STAG3: variants seen among roughly 807,000 people sequenced by gnomAD.
STAG3 encodes the protein cohesin subunit SA-3.
In STAG3, 101 loss-of-function variants were observed where a neutral mutation model predicts 160.7. That is an observed-to-expected ratio of 0.63 (90% CI 0.54 to 0.74). The LOEUF is 0.74. Ranked by LOEUF, STAG3 falls within the 30% of genes least tolerant of loss-of-function variation. The probability of loss-of-function intolerance (pLI) is 0.00; values close to 1 mark genes in which losing one functional copy is unlikely to be tolerated. For missense variants in STAG3, 1,188 were observed against 1,517.4 expected, an observed-to-expected ratio of 0.78 and a Z score of 3.61; for synonymous variants, 519 against 585.0, an observed-to-expected ratio of 0.89 and a Z score of 1.63.
At chr7:100,182,272 T>A (rs534244395) in intron 3 of STAG3, 80 bp downstream of exon 3, 2 of 1,030,426 alleles carry the variant, frequency 1.9e-6, no homozygotes, top group East Asian at 2.6e-5. Context: ...GGCAGGAGAA[T>A]GGCGTGAACC....
chr7:100,201,918 A>C, intron 22 of STAG3, 31 bp from the exon 23 acceptor site: 2 of 1,614,058 alleles, frequency 1.2e-6, no homozygotes, highest in Non-Finnish European at 1.7e-6. Flanking sequence ...CTGTGTCTTC[A>C]TTCTTCCCCT....
At chr7:100,205,495 T>G in intron 29 of STAG3, 111 bp downstream of exon 29, 6 of 1,177,700 alleles carry the variant, frequency 5.1e-6, no homozygotes, top group Non-Finnish European at 7.0e-6. Context: ...AGGGTATTAA[T>G]TTCTTTCAAG....
At chr7:100,195,056 G>A (rs1188851627) in intron 8 of STAG3, among the ~76,000 whole-genome samples, 2 of 152,178 alleles carry the variant, frequency 1.3e-5, no homozygotes, top group African/African-American at 2.4e-5. Flanking sequence ...ATGCCAGCTA[G>A]GGCTTCTGAA....
Position 100,211,077 on chromosome 7 carries a change from T to TACCCCC in STAG3, c.3305_3306insACCCCC (p.Pro1103_Pro1104dup). ...GAAGAAAGTCTGCAGCTGAACAGCATCCCGCCCACGCCCACCCTCACCTCC... is the reference window on the plus strand; with the variant it reads ...GAAGAAAGTCTGCAGCTGAACAGCATACCCCCCCCGCCCACGCCCACCCTCACCTCC... On this transcript the variant is annotated inframe_insertion, in exon 30 of 34. Transcript: ENST00000615138. 11 of 1,600,668 alleles carry TACCCCC rather than the reference T, an allele frequency of 6.9e-6. No individual in the cohort carries two copies. Among genetic ancestry groups the TACCCCC allele is most frequent in the East Asian group, 2.2e-5 (1 of 44,538 alleles).
chr7:100,187,505 G>A (rs1800095396), intron 5 of STAG3, among the ~76,000 whole-genome samples: 1 of 151,910 alleles, frequency 6.6e-6, no homozygotes, highest in Non-Finnish European at 1.5e-5. Flanking sequence ...TGAAGCCTTT[G>A]TACAGGCCTG....
intron 8 of STAG3, among the ~76,000 whole-genome samples, chr7:100,189,962 A>G (rs1218959799): frequency 1.3e-5 from 2 of 152,140 alleles, no homozygotes; most frequent in Non-Finnish European, 2.9e-5. Context: ...CTAAAAGCCA[A>G]CCATTGACAA....
At chr7:100,180,870 A>G in intron 2 of STAG3, 198 bp downstream of exon 2, 1 of 399,004 alleles carries the variant, frequency 2.5e-6, no homozygotes, top group Non-Finnish European at 4.6e-6. Flanking sequence ...TCAAAATAGT[A>G]GTACATCCTG....
chr7:100,193,940 T>C (rs1800504268), intron 8 of STAG3, among the ~76,000 whole-genome samples: 1 of 79,018 alleles, frequency 1.3e-5, no homozygotes. Flanking sequence ...TAATCATTTC[T>C]TTTTTTTTTT....
At chr7:100,215,707 TGA>T (rs1041406627), downstream of STAG3, among the ~76,000 whole-genome samples, 2 of 152,166 alleles carry the variant, frequency 1.3e-5, no homozygotes, top group Non-Finnish European at 2.9e-5. Flanking sequence ...TGCACTGGGT[TGA>T]GTCACAGCCT....
rs566681682 is a variant in STAG3, at chr7:100,192,421, G to T, written c.867+2825G>T. Among the ~76,000 whole-genome samples the T allele has an allele frequency of 3.3e-5, 5 of 152,336 alleles. No individual in the cohort carries two copies. In the East Asian group the frequency reaches 9.6e-4, roughly 29 times the overall value. On this transcript the variant is annotated intron_variant, in intron 8 of 33. Transcript: ENST00000615138. The stretch of plus-strand genomic sequence containing the variant: ...TGCTTGTAATCCCAGCTACTTGGGA[G>T]GCTGAAGCAGGAGAATTGCTTGAAC...
At chr7:100,186,968 C>T (rs1419423663) in intron 5 of STAG3, among the ~76,000 whole-genome samples, 1 of 152,110 alleles carries the variant, frequency 6.6e-6, no homozygotes, top group Non-Finnish European at 1.5e-5. Context: ...CAGATGGTCT[C>T]AGTCAGGTTG....
At chr7:100,216,986 G>A (rs1002544289), downstream of STAG3, among the ~76,000 whole-genome samples, 2 of 152,038 alleles carry the variant, frequency 1.3e-5, no homozygotes, top group East Asian at 3.9e-4. Flanking sequence ...CTCTCATGAG[G>A]ACAGGCATTG....
chr7:100,197,082 A>T (rs1800736066), intron 9 of STAG3, 74 bp from the exon 10 acceptor site: 2 of 1,570,168 alleles, frequency 1.3e-6, no homozygotes, highest in Non-Finnish European at 1.7e-6. Context: ...CATGAGAGGG[A>T]GTTATCTGGT....
At position 100,186,185 on chromosome 7, in the gene STAG3, A is replaced by AT. The variant is rs376171463; in HGVS notation, c.337-7dup. 32 of 1,604,990 alleles carry AT rather than the reference A, an allele frequency of 2.0e-5. No individual in the cohort carries two copies. The highest frequency in any genetic ancestry group is 4.4e-5 in the South Asian group (4 of 90,814). The stretch of plus-strand genomic sequence containing the variant: ...ATTGCCAGAAACAGAAGTCATCTAC[A>AT]TTTTTTTTCCCTAGTCTTTGGTAGA... On this transcript the variant is annotated splice_polypyrimidine_tract_variant and intron_variant, in intron 4 of 33. Transcript: ENST00000615138.
chr7:100,211,474 G>T lies in STAG3; in HGVS notation c.3453G>T (p.Leu1151Phe). 6.2e-7 allele frequency: 1 copy of T among 1,613,660 alleles called. No homozygotes were observed. The highest frequency in any genetic ancestry group is 8.5e-7 in the Non-Finnish European group (1 of 1,179,956). The change falls in exon 31 of 34, where the codon TTG (leucine) becomes TTT (phenylalanine). Residue 1151 changes from leucine to phenylalanine, a missense_variant. Coordinates refer to ENST00000615138, the MANE Select transcript of STAG3 (RefSeq NM_001282717.2). ...PVAGTERSRF[L>F]GPQYFQTPHN... ...CAGGCACCGAGAGGTCAAGGTTCTT[G>T]GGTCCACAATATTTCCAGACTCCAC...
chr7:100,202,423 G>A (rs371386593), intron 24 of STAG3, 31 bp from the exon 25 acceptor site: 11 of 1,610,726 alleles, frequency 6.8e-6, no homozygotes, highest in Middle Eastern at 1.6e-4. Context: ...GCTTAAGTCT[G>A]TGATTCCCTT....
chr7:100,217,510 T>C (rs1205441883), downstream of STAG3, among the ~76,000 whole-genome samples: 1 of 130,286 alleles, frequency 7.7e-6, no homozygotes, highest in Non-Finnish European at 1.7e-5. Context: ...TGAGAGATGG[T>C]AGAAATGAAG....
intron 25 of STAG3, 35 bp from the exon 26 acceptor site, chr7:100,203,986 A>G (rs1801392586): frequency 6.9e-7 from 1 of 1,443,098 alleles, no homozygotes; most frequent in African/African-American, 1.4e-5. Context: ...CTTTTCCACC[A>G]GTCAGACATT....
rs1211667385 is a variant in STAG3 at position 100,207,068 on chromosome 7, A to G, written c.3238+1684A>G. On this transcript the variant is annotated intron_variant, in intron 29 of 33. Transcript: ENST00000615138. This position sits in a 1 kb window ranked among gnomAD's most constrained non-coding sequence, Gnocchi z 4.0. ...ATACTTTGACATATATCAGTATCTCATACCTTTTTATGGCCGAAACAATAT... is the reference window on the plus strand; with the variant it reads ...ATACTTTGACATATATCAGTATCTCGTACCTTTTTATGGCCGAAACAATAT... Among the ~76,000 whole-genome samples the G allele has an allele frequency of 6.6e-6, 1 of 152,194 alleles. No individual in the cohort carries two copies. Among genetic ancestry groups the G allele is most frequent in the Non-Finnish European group, 1.5e-5 (1 of 68,038 alleles).
Sources: allele counts gnomAD v4.1 joint callset (sites outside exome capture counted in the v4.1 genomes callset), GRCh38; gene constraint gnomAD v4.1.1; non-coding constraint Gnocchi (gnomAD v3.1); transcripts MANE v1.5; gene names NCBI Gene and HGNC (gene_info 2026-07-23, HGNC 2026-07-21).